The following RALYL variants were observed in gnomAD, a reference collection of about 807,000 sequenced individuals.
RALYL encodes the protein RNA-binding Raly-like protein.
In RALYL, 29 loss-of-function variants were observed where a neutral mutation model predicts 35.1. That is an observed-to-expected ratio of 0.83 (90% CI 0.61 to 1.13). RALYL has a LOEUF of 1.13. RALYL is among the 50% of genes most tolerant of loss of function. RALYL has a pLI of 0.00. For missense variants in RALYL, 359 were observed against 360.4 expected, an observed-to-expected ratio of 1.00 and a Z score of 0.03; for synonymous variants, 120 against 127.6, an observed-to-expected ratio of 0.94 and a Z score of 0.40.
chr8:84,827,215 A>T (rs530773254), intron 4 of RALYL, among the ~76,000 whole-genome samples: 46 of 152,146 alleles, frequency 3.0e-4, no homozygotes, highest in Non-Finnish European at 5.4e-4. Context: ...ATATCAAGCT[A>T]ACAGTGTTTT....
rs996977721 is a variant in RALYL at position 84,184,096 on chromosome 8, TC to T, written c.-349del. ...CCGGTGAAAACAAATTCGTTTTTTTTCCCTCCTGTTTTTGATACCCATTGAT... is the reference window on the plus strand; with the variant it reads ...CCGGTGAAAACAAATTCGTTTTTTTTCCTCCTGTTTTTGATACCCATTGAT... On this transcript the variant is annotated 5_prime_UTR_variant, in exon 1 of 9. Transcript: ENST00000521268. 6.6e-6 allele frequency: 1 copy of T among 152,202 alleles called. No homozygotes were observed. The highest frequency in any genetic ancestry group is 2.4e-5 in the African/African-American group (1 of 41,440). 9.4% of individuals were successfully genotyped at this position (152,202 alleles called of 1,614,324 possible).
chr8:84,553,905 A>C (rs1032467651), intron 2 of RALYL, among the ~76,000 whole-genome samples: 1 of 152,330 alleles, frequency 6.6e-6, no homozygotes, highest in Middle Eastern at 3.4e-3. Context: ...TAAGTGTTAC[A>C]CAAACATTTG....
intron 1 of RALYL, among the ~76,000 whole-genome samples, chr8:84,329,054 G>A (rs183484314): frequency 1.3e-5 from 2 of 152,260 alleles, no homozygotes; most frequent in East Asian, 1.9e-4. Flanking sequence ...TGGGAATAGA[G>A]CTGTGATGAA....
At chr8:84,346,374 G>A (rs1480345557) in intron 1 of RALYL, among the ~76,000 whole-genome samples, 1 of 152,102 alleles carries the variant, frequency 6.6e-6, no homozygotes, top group African/African-American at 2.4e-5. Context: ...TGTCATTGGA[G>A]TATGTTTGTA....
At chr8:84,514,693 A>C (rs928089984) in intron 1 of RALYL, among the ~76,000 whole-genome samples, 1 of 152,156 alleles carries the variant, frequency 6.6e-6, no homozygotes, top group Non-Finnish European at 1.5e-5. Flanking sequence ...CCAACATACA[A>C]ATTTTGAAGA....
intron 2 of RALYL, among the ~76,000 whole-genome samples, chr8:84,620,106 C>T (rs573775633): frequency 0.013 from 1,932 of 151,434 alleles, 11 homozygotes; most frequent in Middle Eastern, 0.048. Context: ...ATCTTTGTGG[C>T]ATTCTCTGTA....
At chr8:84,541,819 A>G (rs2060035044) in intron 2 of RALYL, among the ~76,000 whole-genome samples, 1 of 152,048 alleles carries the variant, frequency 6.6e-6, no homozygotes, top group South Asian at 2.1e-4. Context: ...TATCTTTAGT[A>G]ATTATTTCTG....
chr8:84,475,626 T>G (rs945523334), intron 1 of RALYL, among the ~76,000 whole-genome samples: 1 of 152,182 alleles, frequency 6.6e-6, no homozygotes, highest in Non-Finnish European at 1.5e-5. Context: ...ATGAGAATTG[T>G]GAATTATCAG....
At chr8:84,404,538 A>G (rs990689858) in intron 1 of RALYL, among the ~76,000 whole-genome samples, 3 of 152,140 alleles carry the variant, frequency 2.0e-5, no homozygotes, top group East Asian at 3.8e-4. Context: ...ATTGTGGTGG[A>G]TAAGCTTTTT....
intron 1 of RALYL, among the ~76,000 whole-genome samples, chr8:84,200,223 A>T (rs560389384): frequency 6.6e-6 from 1 of 152,274 alleles, no homozygotes; most frequent in South Asian, 2.1e-4. Flanking sequence ...AATTATATTG[A>T]TAAGAATTTT....
At chr8:84,627,006 A>G (rs1484034217) in intron 2 of RALYL, among the ~76,000 whole-genome samples, 2 of 152,120 alleles carry the variant, frequency 1.3e-5, no homozygotes, top group Admixed American at 1.3e-4. Context: ...AAAAATTAGT[A>G]CTATTATCTC....
intron 2 of RALYL, among the ~76,000 whole-genome samples, chr8:84,731,113 T>C (rs2132846191): frequency 6.6e-6 from 1 of 152,264 alleles, no homozygotes. Context: ...GATGATTTTA[T>C]TTACTTTTTA....
At chr8:84,654,248 C>T (rs1310501343) in intron 2 of RALYL, among the ~76,000 whole-genome samples, 6 of 105,678 alleles carry the variant, frequency 5.7e-5, no homozygotes, top group African/African-American at 6.4e-5. Flanking sequence ...CCACCACCAA[C>T]GTATATGTAT....
chr8:84,521,805 A>G (rs752445832), intron 1 of RALYL, among the ~76,000 whole-genome samples: 5 of 152,138 alleles, frequency 3.3e-5, no homozygotes, highest in Non-Finnish European at 5.9e-5. Flanking sequence ...ACTTTTTATA[A>G]CTATAGTTGT....
In RALYL at chr8:84,188,134, G is replaced by A. The variant is rs1271330542; in HGVS notation, c.-24+3710G>A. ...TTCTTTCCAACTTTTAGTTTCAAGGGGTACATGTACAGTTTTGTTACATGG... is the reference window on the plus strand; with the variant it reads ...TTCTTTCCAACTTTTAGTTTCAAGGAGTACATGTACAGTTTTGTTACATGG... On this transcript the variant is annotated intron_variant, in intron 1 of 8. Transcript: ENST00000521268. Among the ~76,000 whole-genome samples the A allele has an allele frequency of 2.6e-5, 4 of 151,630 alleles. No individual in the cohort carries two copies. The East Asian group carries it at 5.8e-4, about 22-fold the overall frequency.
intron 2 of RALYL, among the ~76,000 whole-genome samples, chr8:84,689,602 A>G (rs1270098482): frequency 2.6e-5 from 4 of 152,044 alleles, no homozygotes; most frequent in African/African-American, 9.7e-5. Flanking sequence ...CAGTAATGGG[A>G]TGGCTGGGTC....
Position 84,223,212 on chromosome 8 carries a change from C to T in RALYL, c.-24+38788C>T, listed in dbSNP as rs1415526029. 2.5e-3 allele frequency among the ~76,000 whole-genome samples: 124 copies of T among 50,106 alleles called. 10 individuals carry two copies. The highest frequency in any genetic ancestry group is 7.4e-3 in the African/African-American group (117 of 15,722). The allele number at this position is 50,106 out of a possible 152,430, so 32.9% of individuals were successfully genotyped here. A position where few individuals can be genotyped will look rare whatever the true frequency, so the allele number is the denominator to read the frequency against. On this transcript the variant is annotated intron_variant, in intron 1 of 8. Transcript: ENST00000521268. Reference sequence around the variant, plus strand: ...TCCCTTCCCTTCCCTTCCATTCCTCCCTTCCCTTCCCTTCCCTTCCCTTCC... The same window carrying T: ...TCCCTTCCCTTCCCTTCCATTCCTCTCTTCCCTTCCCTTCCCTTCCCTTCC...
At chr8:84,803,087 G>C (rs1048876804) in intron 3 of RALYL, among the ~76,000 whole-genome samples, 1 of 152,146 alleles carries the variant, frequency 6.6e-6, no homozygotes, top group African/African-American at 2.4e-5. Flanking sequence ...TATAGAAAAT[G>C]GGGAACATAG....
chr8:84,683,054 T>A (rs191261395), intron 2 of RALYL, among the ~76,000 whole-genome samples: 33 of 152,334 alleles, frequency 2.2e-4, no homozygotes, highest in Middle Eastern at 6.8e-3. Context: ...TCTGTTCTCA[T>A]TGATTTCAAA....
Sources: gnomAD v4.1 joint callset for allele counts (sites outside exome capture counted in the v4.1 genomes callset) on GRCh38, gnomAD v4.1.1 for gene constraint, MANE v1.5 for transcripts, NCBI Gene and HGNC (gene_info 2026-07-23, HGNC 2026-07-21) for gene names.